LHFPL2: variants seen among roughly 807,000 people sequenced by gnomAD.
LHFPL2 encodes LHFPL tetraspan subfamily member 2 protein.
In LHFPL2, 7 loss-of-function variants were observed where a neutral mutation model predicts 17.5. The observed-to-expected ratio is 0.40, with a 90% CI of 0.23 to 0.75. The LOEUF (loss-of-function observed/expected upper bound fraction) is 0.75. Ranked by LOEUF, LHFPL2 falls within the 30% of genes least tolerant of loss-of-function variation. LHFPL2 has a pLI of 0.37. For missense variants in LHFPL2, 241 were observed against 294.8 expected, an observed-to-expected ratio of 0.82 and a Z score of 1.34; for synonymous variants, 134 against 116.2, an observed-to-expected ratio of 1.15 and a Z score of -0.99.
intron 4 of LHFPL2, among the ~76,000 whole-genome samples, chr5:78,508,634 AG>A (rs1755009343): frequency 1.3e-5 from 2 of 152,194 alleles, no homozygotes; most frequent in Admixed American, 6.5e-5. Context: ...GTTTGCTATG[AG>A]GCCAGCTAGA....
At position 78,547,395 on chromosome 5, in the gene LHFPL2, G is replaced by C. The variant is rs575728805; in HGVS notation, c.-186+17418C>G. 3.5e-4 allele frequency among the ~76,000 whole-genome samples: 54 copies of C among 152,250 alleles called. 1 individual carries two copies. In the South Asian group the frequency reaches 0.011, roughly 32 times the overall value. On this transcript the variant is annotated intron_variant, in intron 3 of 4. Coordinates refer to ENST00000380345, the MANE Select transcript of LHFPL2 (RefSeq NM_005779.3). ...TCAACTCCCCAAAAGCAATGTCCTAGGACCACAGTGTTTACATGGCTGTGC... is the reference window on the plus strand; with the variant it reads ...TCAACTCCCCAAAAGCAATGTCCTACGACCACAGTGTTTACATGGCTGTGC...
chr5:78,615,383 A>G (rs954491497), intron 2 of LHFPL2, among the ~76,000 whole-genome samples: 2 of 152,240 alleles, frequency 1.3e-5, no homozygotes, highest in African/African-American at 2.4e-5. Context: ...ACATAACAGC[A>G]TAACATATTT....
chr5:78,505,052 C>CA (rs1230602643), intron 4 of LHFPL2, among the ~76,000 whole-genome samples: 3 of 152,252 alleles, frequency 2.0e-5, no homozygotes, highest in African/African-American at 7.2e-5. Context: ...ATCCTGAGCT[C>CA]AGTTTAATGG....
intron 2 of LHFPL2, among the ~76,000 whole-genome samples, chr5:78,566,922 G>C (rs1756875011): frequency 6.6e-6 from 1 of 152,186 alleles, no homozygotes; most frequent in African/African-American, 2.4e-5. Flanking sequence ...GAATGGGTCT[G>C]TTATAAATGG....
At position 78,564,870 on chromosome 5, in the gene LHFPL2, A is replaced by G. The variant is rs1756818495; in HGVS notation, c.-243T>C. On this transcript the variant is annotated splice_region_variant and 5_prime_UTR_variant, in exon 3 of 5. Transcript: ENST00000380345. ...TAATGAACAACTTCAGAAAAATGCC[A>G]CCTGGAAAAACAAATTGAACAAAGA... is the stretch of plus-strand genomic sequence containing the variant. 2 of 152,238 alleles carry G rather than the reference A, an allele frequency of 1.3e-5. No individual in the cohort carries two copies. Among genetic ancestry groups the G allele is most frequent in the African/African-American group, 4.8e-5 (2 of 41,460 alleles). The allele number at this position is 152,238 out of a possible 1,614,324, so 9.4% of individuals were successfully genotyped here.
intron 3 of LHFPL2, among the ~76,000 whole-genome samples, chr5:78,555,941 C>G (rs1344713586): frequency 1.3e-5 from 2 of 152,206 alleles, no homozygotes; most frequent in Admixed American, 6.5e-5. Flanking sequence ...TGTTCTGTTT[C>G]TTCCTCTTCT....
intron 2 of LHFPL2, chr5:78,625,874 C>T (rs927563494): frequency 2.0e-5 from 3 of 152,258 alleles, no homozygotes; most frequent in Admixed American, 2.0e-4. Flanking sequence ...AGACAAGAAG[C>T]TCTGTGAAGT....
chr5:78,590,995 T>C (rs1470445557), intron 2 of LHFPL2, among the ~76,000 whole-genome samples: 12 of 151,686 alleles, frequency 7.9e-5, no homozygotes, highest in East Asian at 1.9e-4. Context: ...TAGACAAATA[T>C]TTCTGAGCCA....
At chr5:78,540,033 G>GTT (rs1044006095) in intron 3 of LHFPL2, among the ~76,000 whole-genome samples, 3 of 152,160 alleles carry the variant, frequency 2.0e-5, no homozygotes, top group African/African-American at 7.2e-5. Flanking sequence ...CTCCAGAGGT[G>GTT]ACTGGCAGAG....
chr5:78,567,540 A>T (rs1463695389), intron 2 of LHFPL2, among the ~76,000 whole-genome samples: 1 of 152,168 alleles, frequency 6.6e-6, no homozygotes, highest in Non-Finnish European at 1.5e-5. Flanking sequence ...TTTTAGAAAC[A>T]TTGGTCTGTT....
At chr5:78,587,445 T>C (rs1743456329) in intron 2 of LHFPL2, among the ~76,000 whole-genome samples, 1 of 152,228 alleles carries the variant, frequency 6.6e-6, no homozygotes, top group Non-Finnish European at 1.5e-5. Flanking sequence ...CTCTGAGCCC[T>C]GCTTTTTGAC....
At chr5:78,545,447 G>A (rs543215195) in intron 3 of LHFPL2, among the ~76,000 whole-genome samples, 1 of 152,316 alleles carries the variant, frequency 6.6e-6, no homozygotes, top group South Asian at 2.1e-4. Context: ...CCAAGGTACT[G>A]TTCATAAATG....
chr5:78,545,998 A>C (rs1272615566), intron 3 of LHFPL2, among the ~76,000 whole-genome samples: 1 of 152,182 alleles, frequency 6.6e-6, no homozygotes, highest in African/African-American at 2.4e-5. Flanking sequence ...TTTAAAACTT[A>C]AAACCTGTGC....
At chr5:78,517,710 T>A (rs1258543726) in intron 3 of LHFPL2, among the ~76,000 whole-genome samples, 1 of 152,136 alleles carries the variant, frequency 6.6e-6, no homozygotes, top group Non-Finnish European at 1.5e-5. Context: ...CATGATTCAA[T>A]TACCTCCCAT....
At chr5:78,604,922 G>A (rs905157225) in intron 2 of LHFPL2, among the ~76,000 whole-genome samples, 8 of 152,182 alleles carry the variant, frequency 5.3e-5, no homozygotes, top group African/African-American at 1.9e-4. Context: ...TAAAGACGTG[G>A]TGAATTTTCT....
intron 2 of LHFPL2, among the ~76,000 whole-genome samples, chr5:78,572,137 G>C (rs1286567980): frequency 2.6e-5 from 4 of 152,138 alleles, no homozygotes; most frequent in Non-Finnish European, 1.5e-5. Flanking sequence ...AGGTAGGGGG[G>C]ATTCCAGTAG....
At chr5:78,624,570 C>A (rs773151142) in intron 2 of LHFPL2, among the ~76,000 whole-genome samples, 3 of 152,228 alleles carry the variant, frequency 2.0e-5, no homozygotes, top group Non-Finnish European at 4.4e-5. Flanking sequence ...CTCCGCAGAT[C>A]AGAGTTTGCG....
intron 3 of LHFPL2, 122 bp from the exon 4 acceptor site, chr5:78,510,520 G>A (rs1272925767): frequency 5.4e-6 from 2 of 370,180 alleles, no homozygotes; most frequent in Non-Finnish European, 4.9e-6. Flanking sequence ...CCCGGGCCTG[G>A]CTAGCATGCC....
At chr5:78,617,506 G>A (rs924839546) in intron 2 of LHFPL2, among the ~76,000 whole-genome samples, 6 of 152,242 alleles carry the variant, frequency 3.9e-5, no homozygotes, top group Middle Eastern at 3.4e-3. Flanking sequence ...ACCCATGGGT[G>A]CAATTTTTCA....
Sources: allele counts gnomAD v4.1 joint callset (sites outside exome capture counted in the v4.1 genomes callset), GRCh38; gene constraint gnomAD v4.1.1; transcripts MANE v1.5; gene names NCBI Gene and HGNC (gene_info 2026-07-23, HGNC 2026-07-21).